Variants in SULT6B1 observed in about 807,000 individuals in gnomAD.
SULT6B1 encodes the protein sulfotransferase family 6B member 1, also known as sulfotransferase 6B1.
SULT6B1 carries 44 observed loss-of-function variants against 37.2 expected under a neutral mutation model. The observed-to-expected ratio is 1.18, with a 90% CI of 0.93 to 1.52. SULT6B1 has a LOEUF of 1.52. Among genes scored for constraint, SULT6B1 ranks in the 40% most tolerant of loss-of-function variants. The pLI, the probability that SULT6B1 is intolerant of heterozygous loss-of-function variation, is 0.00. For missense variants in SULT6B1, 450 were observed against 361.0 expected (o/e 1.25, Z -2.00); for synonymous variants, 140 against 126.0 (o/e 1.11, Z -0.74).
intron 4 of SULT6B1, among the ~76,000 whole-genome samples, chr2:37,177,040 A>C (rs886341610): frequency 5.3e-5 from 8 of 152,160 alleles, no homozygotes; most frequent in Admixed American, 5.2e-4. Flanking sequence ...GATCCCAGGA[A>C]CCAGCTACCT....
chr2:37,175,461 T>C (rs571459589), intron 4 of SULT6B1, among the ~76,000 whole-genome samples: 1 of 152,242 alleles, frequency 6.6e-6, no homozygotes, highest in East Asian at 1.9e-4. Context: ...ATTAAGCAAG[T>C]TACAAAAATG....
At chr2:37,182,861 T>C (rs2148295404) in intron 3 of SULT6B1, among the ~76,000 whole-genome samples, 1 of 152,302 alleles carries the variant, frequency 6.6e-6, no homozygotes, top group South Asian at 2.1e-4. Context: ...TGCTGTGAAG[T>C]TTGTTACTAC....
chr2:37,184,841 A>AC (rs200892692), intron 2 of SULT6B1, among the ~76,000 whole-genome samples: 3,509 of 152,214 alleles, frequency 0.023, 65 homozygotes, highest in Middle Eastern at 0.054. Context: ...AAAAAAAAAA[A>AC]AACAACAAAA....
chr2:37,172,105 C>G (rs1462289538), intron 5 of SULT6B1, among the ~76,000 whole-genome samples: 1 of 150,120 alleles, frequency 6.7e-6, no homozygotes, highest in East Asian at 1.9e-4. Flanking sequence ...TAGAGTGGTG[C>G]AAGGGCACAA....
Position 37,168,066 on chromosome 2 carries a change from C to A in SULT6B1, c.782-1G>T. The A allele has an allele frequency of 2.5e-6, 4 of 1,578,716 alleles. No homozygotes were observed. The highest frequency in any genetic ancestry group is 2.4e-5 in the South Asian group (2 of 84,498). On this transcript the variant is annotated splice_acceptor_variant, in intron 6 of 6. Transcript: ENST00000535679. LOFTEE classifies it high-confidence loss of function. ...AAATTTTTCCAATCACCAACTTCAC[C>A]TACAACACACAAAAAACAGTAGACC...
chr2:37,177,362 G>A (rs1415585056), intron 4 of SULT6B1, among the ~76,000 whole-genome samples: 2 of 139,158 alleles, frequency 1.4e-5, no homozygotes, highest in East Asian at 4.4e-4. Flanking sequence ...AGGCTGCAGT[G>A]AGCCTTGCCG....
chr2:37,183,601 G>A (rs1442820384), intron 2 of SULT6B1, 87 bp from the exon 3 acceptor site: 1 of 1,024,776 alleles, frequency 9.8e-7, no homozygotes, highest in Non-Finnish European at 1.5e-6. Flanking sequence ...TGGTATCTAA[G>A]TGATAGTTTC....
chr2:37,178,104 G>T (rs1229910307), intron 4 of SULT6B1, among the ~76,000 whole-genome samples: 2 of 152,104 alleles, frequency 1.3e-5, no homozygotes, highest in African/African-American at 4.8e-5. Flanking sequence ...GAGTGCAATG[G>T]TGCCATATCT....
rs376909135 is a variant in SULT6B1 at position 37,187,507 on chromosome 2, C to G, written c.200-40G>C. 4 of 1,268,050 alleles carry G rather than the reference C, an allele frequency of 3.2e-6. No homozygotes were observed. In the South Asian group the frequency reaches 5.6e-5, roughly 18 times the overall value. 78.5% of individuals were successfully genotyped at this position (1,268,050 alleles called of 1,614,324 possible). Reference sequence around the variant, plus strand: ...AGAGAATAAAAACTCATTACGGAGTCTTGATATAACAAAAGGACGTTACTT... The same window carrying G: ...AGAGAATAAAAACTCATTACGGAGTGTTGATATAACAAAAGGACGTTACTT... On this transcript the variant is annotated intron_variant, in intron 1 of 6. Transcript: ENST00000535679.
intron 4 of SULT6B1, among the ~76,000 whole-genome samples, chr2:37,177,189 T>G (rs1449894363): frequency 6.6e-6 from 1 of 151,960 alleles, no homozygotes; most frequent in Non-Finnish European, 1.5e-5. Context: ...GAGGACATTA[T>G]GTTAACCAAA....
chr2:37,182,679 A>T (rs1572462711), intron 3 of SULT6B1, among the ~76,000 whole-genome samples: 1 of 152,296 alleles, frequency 6.6e-6, no homozygotes, highest in East Asian at 1.9e-4. Context: ...TTTTCTTCTG[A>T]GACAGAAAAA....
chr2:37,171,341 C>A, intron 6 of SULT6B1, 93 bp downstream of exon 6: 1 of 1,460,386 alleles, frequency 6.8e-7, no homozygotes, highest in South Asian at 1.4e-5. Context: ...AAATAAAACC[C>A]TATCTGACTT....
chr2:37,171,374 C>T, intron 6 of SULT6B1, 60 bp downstream of exon 6: 2 of 1,553,722 alleles, frequency 1.3e-6, no homozygotes, highest in South Asian at 2.4e-5. Flanking sequence ...TTTGGATTAC[C>T]TGTTGTGTGC....
chr2:37,170,894 C>A (rs183988641), intron 6 of SULT6B1, among the ~76,000 whole-genome samples: 4 of 152,194 alleles, frequency 2.6e-5, no homozygotes, highest in African/African-American at 7.2e-5. Flanking sequence ...ATCTTGTTTT[C>A]AGAAGGTGAT....
upstream of SULT6B1, among the ~76,000 whole-genome samples, chr2:37,189,106 G>T (rs116692398): frequency 6.6e-6 from 1 of 152,114 alleles, no homozygotes; most frequent in Non-Finnish European, 1.5e-5. Context: ...AAAGAGACCA[G>T]ATTTGGGGGC....
intron 6 of SULT6B1, among the ~76,000 whole-genome samples, chr2:37,169,075 T>A (rs1214992143): frequency 1.3e-5 from 2 of 152,244 alleles, no homozygotes; most frequent in African/African-American, 4.8e-5. Flanking sequence ...TTTAATACTT[T>A]TTCACATTTT....
At chr2:37,195,391 G>A (rs975662996) in intron 1 of SULT6B1, among the ~76,000 whole-genome samples, 4 of 152,158 alleles carry the variant, frequency 2.6e-5, no homozygotes, top group African/African-American at 9.7e-5. Context: ...CACAATTTAT[G>A]ATGCTTTAGT....
chr2:37,192,109 G>T (rs760152230), upstream of SULT6B1, among the ~76,000 whole-genome samples: 1 of 152,204 alleles, frequency 6.6e-6, no homozygotes, highest in Non-Finnish European at 1.5e-5. Context: ...GAGGTTTCTG[G>T]CTGGTTAAGC....
upstream of SULT6B1, chr2:37,188,718 G>A: frequency 3.4e-6 from 2 of 580,690 alleles, no homozygotes; most frequent in Non-Finnish European, 6.1e-6. Flanking sequence ...GGCAGGGGCT[G>A]GAATAAAGGG....
Sources: gnomAD v4.1 joint callset for allele counts (sites outside exome capture counted in the v4.1 genomes callset) on GRCh38, gnomAD v4.1.1 for gene constraint, MANE v1.5 for transcripts, NCBI Gene and HGNC (gene_info 2026-07-23, HGNC 2026-07-21) for gene names.